ADGRG2: variants seen among roughly 807,000 people sequenced by gnomAD.
ADGRG2 encodes G protein-coupled receptor 64.
ADGRG2 carries 26 observed loss-of-function variants against 74.1 expected under a neutral mutation model. The observed-to-expected ratio is 0.35, with a 90% CI of 0.26 to 0.49. ADGRG2 has a LOEUF of 0.49. ADGRG2 is among the 20% of genes least tolerant of loss of function. The pLI, the probability that ADGRG2 is intolerant of heterozygous loss-of-function variation, is 0.99. For synonymous variants in ADGRG2, 296 were observed against 295.2 expected (o/e 1.00, Z -0.03); for missense variants, 619 against 763.1 (o/e 0.81, Z 2.22).
rs146423516 is a variant in ADGRG2, at chrX:19,107,136, C to A, written c.-47+15306G>T. On this transcript the variant is annotated intron_variant, in intron 1 of 28. Coordinates refer to ENST00000379869, the MANE Select transcript of ADGRG2 (RefSeq NM_001079858.3). ...TTCGCTACTCAAAGTGCAGCTCCCC[C>A]GCCCCAACAGCAGCATCACCTCACC... Among the ~76,000 whole-genome samples the A allele has an allele frequency of 8.5e-3, 953 of 111,654 alleles. 11 individuals are homozygous for A. The highest frequency in any genetic ancestry group is 0.03 in the African/African-American group (908 of 30,767).
chrX:19,053,484 A>G (rs1315286534), intron 3 of ADGRG2, among the ~76,000 whole-genome samples: 4 of 111,619 alleles, frequency 3.6e-5, no homozygotes, highest in Non-Finnish European at 5.6e-5. Context: ...TGTGGCAGGT[A>G]GGTTAAGAGC....
At chrX:19,094,190 G>A (rs769655946) in intron 1 of ADGRG2, among the ~76,000 whole-genome samples, 1 of 110,981 alleles carries the variant, frequency 9.0e-6, no homozygotes, top group African/African-American at 3.3e-5. Context: ...ATGGATAGAT[G>A]GACATACAGT....
At chrX:18,999,773 A>T in intron 25 of ADGRG2, 88 bp downstream of exon 25, 1 of 581,285 alleles carries the variant, frequency 1.7e-6, no homozygotes, top group Non-Finnish European at 3.1e-6. Flanking sequence ...TGATAGCAGG[A>T]GTCAATATGC....
At chrX:19,105,363 T>C (rs1459030309) in intron 1 of ADGRG2, among the ~76,000 whole-genome samples, 1 of 112,535 alleles carries the variant, frequency 8.9e-6, no homozygotes, top group Non-Finnish European at 1.9e-5. Context: ...TGGAATATTA[T>C]TTGGCAGTGA....
chrX:18,995,280 G>A (rs1306497176), intron 27 of ADGRG2, among the ~76,000 whole-genome samples: 2 of 111,977 alleles, frequency 1.8e-5, no homozygotes. Flanking sequence ...TAGAACTAAA[G>A]GCCAAGCTAA....
chrX:19,027,854 T>C (rs2060738917), intron 10 of ADGRG2, among the ~76,000 whole-genome samples: 1 of 112,460 alleles, frequency 8.9e-6, no homozygotes, highest in Admixed American at 9.5e-5. Flanking sequence ...CAGAATATTA[T>C]TCATAGATTC....
intron 1 of ADGRG2, among the ~76,000 whole-genome samples, chrX:19,083,688 G>C (rs1189707294): frequency 8.9e-6 from 1 of 112,189 alleles, no homozygotes; most frequent in African/African-American, 3.2e-5. Context: ...ATCCACCCAA[G>C]GCAGAGAGCA....
At chrX:19,048,705 A>G (rs758845648) in intron 3 of ADGRG2, among the ~76,000 whole-genome samples, 1 of 112,299 alleles carries the variant, frequency 8.9e-6, no homozygotes, top group Non-Finnish European at 1.9e-5. Flanking sequence ...AACTAGACAC[A>G]TGGCTAGCAA....
chrX:19,040,068 C>T (rs949900501), intron 4 of ADGRG2, 121 bp downstream of exon 4: 4 of 507,675 alleles, frequency 7.9e-6, no homozygotes, highest in Admixed American at 2.9e-5. Flanking sequence ...GGCTTAATGA[C>T]CTAATTAAGC....
chrX:19,067,364 A>C (rs767326817), intron 3 of ADGRG2, among the ~76,000 whole-genome samples: 1 of 112,537 alleles, frequency 8.9e-6, no homozygotes, highest in Non-Finnish European at 1.9e-5. Context: ...TAACAAAGTG[A>C]TTTTTGACAA....
intron 1 of ADGRG2, among the ~76,000 whole-genome samples, chrX:19,105,638 T>C (rs1409991962): frequency 1.8e-5 from 2 of 110,490 alleles, no homozygotes; most frequent in Non-Finnish European, 3.8e-5. Flanking sequence ...AGGTGATGAG[T>C]TGATGGGTGC....
At chrX:19,033,990 C>A in intron 7 of ADGRG2, 1 of 130,175 alleles carries the variant, frequency 7.7e-6, no homozygotes, top group Non-Finnish European at 1.4e-5. Context: ...TAGAATTAAG[C>A]CACTATCGGG....
chrX:19,051,376 A>G (rs2061319731), intron 3 of ADGRG2, among the ~76,000 whole-genome samples: 1 of 111,536 alleles, frequency 9.0e-6, no homozygotes, highest in Admixed American at 9.5e-5. Flanking sequence ...GCCCGGCCCC[A>G]TGACACTCTG....
At chrX:19,021,997 C>T (rs951362484) in intron 13 of ADGRG2, among the ~76,000 whole-genome samples, 2 of 109,097 alleles carry the variant, frequency 1.8e-5, no homozygotes, top group Non-Finnish European at 3.8e-5. Flanking sequence ...GGTGCGGTGG[C>T]TCACACCTGT....
intron 3 of ADGRG2, among the ~76,000 whole-genome samples, chrX:19,042,210 G>T (rs1322737931): frequency 9.0e-6 from 1 of 111,644 alleles, no homozygotes; most frequent in African/African-American, 3.3e-5. Context: ...GAATTCATCT[G>T]ATCATCTAGC....
rs777904633 is a variant in ADGRG2, at chrX:19,051,550, C to G, written c.119-11326G>C. Reference sequence around the variant, plus strand: ...GCCACTCTTCTGTCAAGAGGTAGAACCTATGTCCCTTTCTCTTGATCCTGG... The same window carrying G: ...GCCACTCTTCTGTCAAGAGGTAGAAGCTATGTCCCTTTCTCTTGATCCTGG... On this transcript the variant is annotated intron_variant, in intron 3 of 28. Transcript: ENST00000379869. 1.7e-3 allele frequency among the ~76,000 whole-genome samples: 185 copies of G among 112,042 alleles called. 1 individual carries two copies. The highest frequency in any genetic ancestry group is 5.3e-3 in the African/African-American group (165 of 30,898).
intron 1 of ADGRG2, among the ~76,000 whole-genome samples, chrX:19,102,385 A>G (rs2062204879): frequency 2.7e-5 from 3 of 110,050 alleles, no homozygotes; most frequent in Admixed American, 9.6e-5. Flanking sequence ...CCTCACTTGA[A>G]GAAAATCAAT....
At chrX:19,093,475 G>A (rs1446025908) in intron 1 of ADGRG2, among the ~76,000 whole-genome samples, 3 of 111,810 alleles carry the variant, frequency 2.7e-5, no homozygotes, top group Non-Finnish European at 3.8e-5. Flanking sequence ...GGGAGAAAAC[G>A]TGCTCATGGT....
intron 3 of ADGRG2, among the ~76,000 whole-genome samples, chrX:19,063,036 G>A (rs939697143): frequency 1.9e-5 from 2 of 105,902 alleles, no homozygotes. Flanking sequence ...CATTGGTACC[G>A]CCCAGGAGAG....
Sources: gnomAD v4.1 joint callset for allele counts (sites outside exome capture counted in the v4.1 genomes callset) on GRCh38, gnomAD v4.1.1 for gene constraint, MANE v1.5 for transcripts, NCBI Gene and HGNC (gene_info 2026-07-23, HGNC 2026-07-21) for gene names.